Variants in OCA2 observed in about 807,000 individuals in gnomAD.
OCA2 encodes P protein.
In OCA2, 77 loss-of-function variants were observed where a neutral mutation model predicts 100.2. The ratio of observed to expected loss-of-function variants is 0.77; its 90% confidence interval spans 0.64 to 0.93. OCA2 has a LOEUF of 0.93. Ranked by LOEUF, OCA2 falls within the 40% of genes least tolerant of loss-of-function variation. OCA2 has a pLI of 0.00. For synonymous variants in OCA2, 432 were observed against 439.2 expected (o/e 0.98, Z 0.21); for missense variants, 1,062 against 1,089.1 (o/e 0.98, Z 0.35).
At chr15:28,038,796 G>T (rs1206928626) in intron 2 of OCA2, among the ~76,000 whole-genome samples, 1 of 152,156 alleles carries the variant, frequency 6.6e-6, no homozygotes, top group African/African-American at 2.4e-5. Context: ...AAAGCCATTT[G>T]GCAAAACATG....
Position 27,950,536 on chromosome 15 carries a change from C to A in OCA2, c.1951+1248G>T, listed in dbSNP as rs772567227. The A allele has an allele frequency of 6.2e-5, 32 of 518,344 alleles. No individual in the cohort carries two copies. The East Asian group carries it at 1.6e-3, about 26-fold the overall frequency. 32.1% of individuals were successfully genotyped at this position (518,344 alleles called of 1,614,324 possible). A position where few individuals can be genotyped will look rare whatever the true frequency, so the allele number is the denominator to read the frequency against. ...AGCTCTCAGGTGTGGATAAATAATACCTGCCAGCTTGAACCAAGCCCAGGC... is the reference window on the plus strand; with the variant it reads ...AGCTCTCAGGTGTGGATAAATAATAACTGCCAGCTTGAACCAAGCCCAGGC... On this transcript the variant is annotated intron_variant, in intron 18 of 23. Transcript: ENST00000354638.
intron 18 of OCA2, among the ~76,000 whole-genome samples, chr15:27,932,468 C>T (rs573017388): frequency 1.9e-4 from 26 of 133,882 alleles, no homozygotes; most frequent in South Asian, 2.6e-4. Context: ...AAACATGGGG[C>T]GGGGCAGGGC....
At chr15:27,816,804 G>C (rs780766685) in intron 23 of OCA2, among the ~76,000 whole-genome samples, 1 of 152,028 alleles carries the variant, frequency 6.6e-6, no homozygotes, top group African/African-American at 2.4e-5. Flanking sequence ...TGGCCTATAG[G>C]AGCAGGAGGC....
At chr15:27,723,241 G>A in the OCA2 span, among the ~76,000 whole-genome samples, 1 of 152,102 alleles carries the variant, frequency 6.6e-6, no homozygotes, top group South Asian at 2.1e-4. Flanking sequence ...ACTTCAAAGA[G>A]CAGGAACTTT....
intron 23 of OCA2, among the ~76,000 whole-genome samples, chr15:27,810,640 T>C (rs1052999317): frequency 6.6e-6 from 1 of 152,138 alleles, no homozygotes; most frequent in African/African-American, 2.4e-5. Context: ...AAAGGACTAG[T>C]ATCCAGAATC....
chr15:27,795,060 G>A (rs551775158), intron 23 of OCA2, among the ~76,000 whole-genome samples: 3 of 152,218 alleles, frequency 2.0e-5, no homozygotes, highest in Admixed American at 6.5e-5. Flanking sequence ...GTTAATCACC[G>A]AGTGGCTTAC....
chr15:27,951,128 A>T (rs1262366418), intron 18 of OCA2, among the ~76,000 whole-genome samples: 1 of 152,186 alleles, frequency 6.6e-6, no homozygotes, highest in Non-Finnish European at 1.5e-5. Flanking sequence ...AGGGTGGAGG[A>T]GGCCAGGGGT....
At chr15:27,963,929 T>C (rs1207296602) in intron 15 of OCA2, among the ~76,000 whole-genome samples, 4 of 152,016 alleles carry the variant, frequency 2.6e-5, no homozygotes, top group South Asian at 2.1e-4. Context: ...TATCAAAAAT[T>C]TGATAGCCCT....
chr15:27,864,881 G>A (rs1426439586), intron 21 of OCA2, among the ~76,000 whole-genome samples: 1 of 151,908 alleles, frequency 6.6e-6, no homozygotes, highest in Non-Finnish European at 1.5e-5. Flanking sequence ...GGTCTTTAGG[G>A]CCATGCAATG....
intron 21 of OCA2, among the ~76,000 whole-genome samples, chr15:27,861,672 C>T (rs983004012): frequency 5.3e-5 from 8 of 152,066 alleles, no homozygotes; most frequent in Admixed American, 2.0e-4. Context: ...GGGCACTAGT[C>T]CTTAGTGATC....
At chr15:28,094,851 G>T (rs116792395) in intron 1 of OCA2, among the ~76,000 whole-genome samples, 6,740 of 152,308 alleles carry the variant, frequency 0.044, 471 homozygotes, top group African/African-American at 0.15. Context: ...GCCTCCCGCA[G>T]CCGTGCCCAG....
At chr15:27,788,071 T>C (rs1170424319) in intron 23 of OCA2, among the ~76,000 whole-genome samples, 1 of 152,096 alleles carries the variant, frequency 6.6e-6, no homozygotes, top group African/African-American at 2.4e-5. Context: ...TTCAGTTCTA[T>C]TGTGGTCAGA....
At chr15:27,955,472 C>A (rs993995423) in intron 16 of OCA2, among the ~76,000 whole-genome samples, 1 of 152,144 alleles carries the variant, frequency 6.6e-6, no homozygotes, top group South Asian at 2.1e-4. Flanking sequence ...TGACAGCTTG[C>A]GCAGGGGAAG....
At chr15:27,997,226 A>G (rs373812217) in intron 9 of OCA2, among the ~76,000 whole-genome samples, 19 of 118,402 alleles carry the variant, frequency 1.6e-4, no homozygotes, top group Admixed American at 7.7e-4. Context: ...GGAAAGAAAG[A>G]AAGGAAGGAA....
chr15:27,924,142 A>G (rs577765600), intron 19 of OCA2, among the ~76,000 whole-genome samples: 1 of 152,160 alleles, frequency 6.6e-6, no homozygotes, highest in Admixed American at 6.5e-5. Context: ...TGTTTTGGTC[A>G]GCTTTGTCGA....
intron 23 of OCA2, among the ~76,000 whole-genome samples, chr15:27,834,082 G>A (rs145386581): frequency 2.0e-5 from 3 of 152,166 alleles, no homozygotes; most frequent in Non-Finnish European, 4.4e-5. Context: ...TTCAGGAGGG[G>A]ACTGGTTGCC....
intron 21 of OCA2, among the ~76,000 whole-genome samples, chr15:27,853,519 C>T (rs966662187): frequency 6.7e-5 from 10 of 149,162 alleles, no homozygotes; most frequent in African/African-American, 2.5e-4. Flanking sequence ...CACATGTATA[C>T]ATATGTAACT....
At chr15:27,850,855 C>T (rs2035722196) in intron 22 of OCA2, among the ~76,000 whole-genome samples, 1 of 152,184 alleles carries the variant, frequency 6.6e-6, no homozygotes, top group African/African-American at 2.4e-5. Flanking sequence ...TCCACAGCAA[C>T]GGCATCCACA....
At chr15:27,742,405 C>T in the OCA2 span, among the ~76,000 whole-genome samples, 1 of 152,080 alleles carries the variant, frequency 6.6e-6, no homozygotes, top group Non-Finnish European at 1.5e-5. Context: ...TGGGACCAGC[C>T]CAGACCAACT....
Sources: gnomAD v4.1 joint callset for allele counts (sites outside exome capture counted in the v4.1 genomes callset) on GRCh38, gnomAD v4.1.1 for gene constraint, MANE v1.5 for transcripts, NCBI Gene and HGNC (gene_info 2026-07-23, HGNC 2026-07-21) for gene names.